Variants in AOAH observed in about 807,000 individuals in gnomAD.
AOAH encodes acyloxyacyl hydrolase (neutrophil).
Under a neutral mutation model 92.2 loss-of-function variants are expected in AOAH, and 64 were observed. The ratio of observed to expected loss-of-function variants is 0.69; its 90% CI spans 0.57 to 0.86. AOAH has a LOEUF of 0.86. Ranked by LOEUF, AOAH falls within the 40% of genes least tolerant of loss-of-function variation. The pLI is 0.00. For missense variants in AOAH, 656 were observed against 694.6 expected (o/e 0.94, Z 0.62); for synonymous variants, 263 against 254.5 (o/e 1.03, Z -0.32).
At chr7:36,532,961 A>T (rs1230122776) in intron 16 of AOAH, among the ~76,000 whole-genome samples, 1 of 152,178 alleles carries the variant, frequency 6.6e-6, no homozygotes, top group Non-Finnish European at 1.5e-5. Context: ...TCTCTGTGGC[A>T]CTGGATTATG....
chr7:36,715,224 A>T (rs1465461200), intron 1 of AOAH, among the ~76,000 whole-genome samples: 2 of 152,200 alleles, frequency 1.3e-5, no homozygotes, highest in African/African-American at 2.4e-5. Context: ...CCCATTCACA[A>T]TTGCTTCAAA....
chr7:36,622,054 T>A (rs1434132955), intron 7 of AOAH, among the ~76,000 whole-genome samples: 1 of 152,118 alleles, frequency 6.6e-6, no homozygotes. Context: ...TGACATTAAG[T>A]GCGTGCTTGT....
intron 1 of AOAH, among the ~76,000 whole-genome samples, chr7:36,720,854 C>G (rs1799584251): frequency 6.6e-6 from 1 of 152,086 alleles, no homozygotes; most frequent in South Asian, 2.1e-4. Flanking sequence ...GTTTGGGGAC[C>G]ACCTTTCTGC....
At chr7:36,598,117 C>T (rs1161501897) in intron 11 of AOAH, 1 of 152,164 alleles carries the variant, frequency 6.6e-6, no homozygotes, top group Non-Finnish European at 1.5e-5. Context: ...ACTCTCCAAG[C>T]TCAGTTCTCT....
chr7:36,543,947 C>CTTTCTTTTTTTTTTTTTTTTTTT (rs55745823), intron 15 of AOAH, among the ~76,000 whole-genome samples: 3 of 91,008 alleles, frequency 3.3e-5, no homozygotes, highest in Non-Finnish European at 4.0e-5. Context: ...TTCTTTCTTT[C>CTTTCTTTTTTTTTTTTTTTTTTT]TTTTTTTTTT....
chr7:36,548,521 G>C, intron 15 of AOAH, 91 bp downstream of exon 15: 6 of 1,075,108 alleles, frequency 5.6e-6, no homozygotes, highest in Non-Finnish European at 7.1e-6. Flanking sequence ...CTGAACAGCA[G>C]GCTGCTATAA....
chr7:36,605,512 C>T (rs1790933870), intron 11 of AOAH, among the ~76,000 whole-genome samples: 1 of 152,250 alleles, frequency 6.6e-6, no homozygotes, highest in Non-Finnish European at 1.5e-5. Context: ...GACTGACTCA[C>T]ACTGCCTCCT....
intron 13 of AOAH, among the ~76,000 whole-genome samples, chr7:36,557,723 AT>A (rs1209947178): frequency 6.6e-6 from 1 of 151,814 alleles, no homozygotes; most frequent in Admixed American, 6.6e-5. Flanking sequence ...TTCTTGCTTC[AT>A]TTCATTCATT....
intron 3 of AOAH, among the ~76,000 whole-genome samples, chr7:36,662,670 C>T (rs1158374141): frequency 6.6e-6 from 1 of 152,136 alleles, no homozygotes; most frequent in Non-Finnish European, 1.5e-5. Flanking sequence ...CAATCCAGGA[C>T]AAGCAGAGCC....
chr7:36,545,248 A>G (rs1244334044), intron 15 of AOAH, among the ~76,000 whole-genome samples: 1 of 152,114 alleles, frequency 6.6e-6, no homozygotes, highest in African/African-American at 2.4e-5. Context: ...TACCCCATGC[A>G]TAGAGATACA....
chr7:36,514,355 T>TG, intron 20 of AOAH: 4 of 627,614 alleles, frequency 6.4e-6, no homozygotes, highest in South Asian at 1.9e-5. Context: ...CCTGACTGGG[T>TG]GGGGGGTGGG....
chr7:36,530,695 T>G (rs1177953552), intron 18 of AOAH, 181 bp from the exon 19 acceptor site: 2 of 545,022 alleles, frequency 3.7e-6, no homozygotes, highest in East Asian at 5.9e-5. Context: ...CCAGTGAACA[T>G]GAGACAAATG....
chr7:36,553,932 T>C (rs1462034283), intron 13 of AOAH, among the ~76,000 whole-genome samples: 2 of 152,154 alleles, frequency 1.3e-5, no homozygotes, highest in African/African-American at 2.4e-5. Context: ...ATTTTGTAGG[T>C]TGCCTGTTCA....
At chr7:36,589,736 A>G (rs1325265816) in intron 12 of AOAH, among the ~76,000 whole-genome samples, 1 of 152,190 alleles carries the variant, frequency 6.6e-6, no homozygotes, top group East Asian at 1.9e-4. Context: ...CTTTCACTCT[A>G]TCATGCCTAC....
At chr7:36,583,653 A>C (rs73344647) in intron 12 of AOAH, among the ~76,000 whole-genome samples, 21,966 of 152,146 alleles carry the variant, frequency 0.14, 2,310 homozygotes, top group African/African-American at 0.29. Flanking sequence ...ACAGCATGAT[A>C]AATTTTGAAT....
At chr7:36,549,309 C>A in intron 14 of AOAH, 130 bp downstream of exon 14, 1 of 709,170 alleles carries the variant, frequency 1.4e-6, no homozygotes. Context: ...GGAGTGATAT[C>A]CTTGAGTTTG....
At chr7:36,664,106 T>C (rs1795391259) in intron 3 of AOAH, among the ~76,000 whole-genome samples, 1 of 152,136 alleles carries the variant, frequency 6.6e-6, no homozygotes, top group African/African-American at 2.4e-5. Context: ...TATGTGTCTA[T>C]TTTGGATAAC....
chr7:36,637,714 A>G, intron 5 of AOAH, 137 bp downstream of exon 5: 1 of 765,502 alleles, frequency 1.3e-6, no homozygotes, highest in Non-Finnish European at 2.2e-6. Context: ...TCACATTCCT[A>G]CTTCCATCCC....
intron 13 of AOAH, among the ~76,000 whole-genome samples, chr7:36,562,736 T>C (rs1787368135): frequency 6.6e-6 from 1 of 152,142 alleles, no homozygotes; most frequent in African/African-American, 2.4e-5. Flanking sequence ...TACTTTTTGG[T>C]TCCCTGGACT....
Sources: gnomAD v4.1 joint callset for allele counts (sites outside exome capture counted in the v4.1 genomes callset) on GRCh38, gnomAD v4.1.1 for gene constraint, MANE v1.5 for transcripts, NCBI Gene and HGNC (gene_info 2026-07-23, HGNC 2026-07-21) for gene names.